The following ARAP2 variants were observed in gnomAD, a reference collection of about 807,000 sequenced individuals.
The protein encoded by ARAP2 is arf-GAP with Rho-GAP domain, ANK repeat and PH domain-containing protein 2.
In ARAP2, 148 loss-of-function variants were observed where a neutral mutation model predicts 194.5. The observed-to-expected ratio is 0.76, with a 90% CI of 0.67 to 0.87. The LOEUF is 0.87. ARAP2 is among the 40% of genes least tolerant of loss of function. The pLI is 0.00. For missense variants in ARAP2, 2,128 were observed against 1,989.7 expected (o/e 1.07, Z -1.32); for synonymous variants, 695 against 683.5 (o/e 1.02, Z -0.26).
intron 9 of ARAP2, 75 bp downstream of exon 9, chr4:36,177,752 T>C: frequency 7.8e-6 from 11 of 1,403,542 alleles, no homozygotes; most frequent in Non-Finnish European, 1.0e-5. Context: ...AAATCACTAA[T>C]AATCCTTCCA....
At chr4:36,097,101 T>C (rs1337765935) in intron 27 of ARAP2, among the ~76,000 whole-genome samples, 1 of 152,124 alleles carries the variant, frequency 6.6e-6, no homozygotes, top group African/African-American at 2.4e-5. Flanking sequence ...AAACAACTCA[T>C]AGTCATAAAA....
intron 31 of ARAP2, among the ~76,000 whole-genome samples, chr4:36,079,062 T>C (rs953006948): frequency 8.0e-5 from 12 of 149,500 alleles, no homozygotes; most frequent in African/African-American, 3.0e-4. Context: ...TAATCCCAGA[T>C]ACTCAGGAGG....
intron 30 of ARAP2, among the ~76,000 whole-genome samples, chr4:36,081,548 T>C (rs1031531319): frequency 1.3e-5 from 2 of 152,124 alleles, no homozygotes; most frequent in Admixed American, 6.6e-5. Flanking sequence ...CTGTGCTTGA[T>C]CCTATAGGTG....
intron 2 of ARAP2, among the ~76,000 whole-genome samples, chr4:36,057,486 T>C (rs774347762): frequency 5.9e-5 from 9 of 152,058 alleles, no homozygotes; most frequent in Non-Finnish European, 1.3e-4. Context: ...AGATAACACA[T>C]TATATATATG....
intron 2 of ARAP2, among the ~76,000 whole-genome samples, chr4:36,215,006 AC>A (rs1191981629): frequency 1.3e-5 from 2 of 152,246 alleles, no homozygotes; most frequent in Non-Finnish European, 2.9e-5. Flanking sequence ...GGAAGATATT[AC>A]AGGGCAATTA....
intron 10 of ARAP2, among the ~76,000 whole-genome samples, chr4:36,165,986 C>T (rs1735200793): frequency 6.6e-6 from 1 of 152,146 alleles, no homozygotes; most frequent in African/African-American, 2.4e-5. Context: ...GATTCCATCA[C>T]TCTCAGTGGT....
chr4:36,014,318 GAAAGAGAGAAAGAA>G (rs1381421253), intron 8 of ARAP2, among the ~76,000 whole-genome samples: 2 of 119,330 alleles, frequency 1.7e-5, no homozygotes, highest in Middle Eastern at 3.9e-3. Flanking sequence ...AGGAAAGAAA[GAAAGAGAGAAAGAA>G]AGAAAGAAAG....
chr4:36,159,790 T>G (rs1367868667), intron 13 of ARAP2: 1 of 218,040 alleles, frequency 4.6e-6, no homozygotes, highest in Non-Finnish European at 8.9e-6. Flanking sequence ...GACATTTTTA[T>G]GCTTACATAC....
intron 21 of ARAP2, among the ~76,000 whole-genome samples, chr4:36,127,893 G>C (rs1724353580): frequency 1.3e-5 from 2 of 151,890 alleles, no homozygotes; most frequent in Admixed American, 6.6e-5. Context: ...TTAAGTCTTT[G>C]TTATTGTAAT....
rs576332667 is a variant in ARAP2, at chr4:36,091,093, AT to A, written c.4425+787del. ...CAAATCATACATATTAGCTCCGTGA[AT>A]TTTAATAAAGTGAACATACTGGTGT... On this transcript the variant is annotated intron_variant, in intron 28 of 32. Transcript: ENST00000303965. 9.2e-5 allele frequency among the ~76,000 whole-genome samples: 14 copies of A among 152,286 alleles called. No individual in the cohort carries two copies. The East Asian group carries it at 2.7e-3, about 29-fold the overall frequency.
intron 22 of ARAP2, 94 bp downstream of exon 22, chr4:36,124,768 T>TA: frequency 1.4e-6 from 1 of 734,028 alleles, no homozygotes; most frequent in Non-Finnish European, 2.2e-6. Flanking sequence ...GGTGAGTTCT[T>TA]ATGATACGTA....
chr4:36,179,168 C>T (rs1443671716), intron 8 of ARAP2, among the ~76,000 whole-genome samples: 1 of 152,054 alleles, frequency 6.6e-6, no homozygotes, highest in Non-Finnish European at 1.5e-5. Context: ...TATAATAATA[C>T]AGACAATGAC....
chr4:36,079,033 G>A (rs1399945127), intron 31 of ARAP2, among the ~76,000 whole-genome samples: 1 of 151,822 alleles, frequency 6.6e-6, no homozygotes, highest in Non-Finnish European at 1.5e-5. Flanking sequence ...AATTAGCTGG[G>A]CACGGTGGTG....
At position 36,229,630 on chromosome 4, in the gene ARAP2, C is replaced by T; in HGVS notation, c.-144G>A. On this transcript the variant is annotated 5_prime_UTR_variant, in exon 2 of 33. Coordinates refer to ENST00000303965, the MANE Select transcript of ARAP2 (RefSeq NM_015230.4). ...AATGTTATTTTCTTCACAGTGACTGCTTTACCTGCTTAAGCCTAGAAAAAA... is the reference window on the plus strand; with the variant it reads ...AATGTTATTTTCTTCACAGTGACTGTTTTACCTGCTTAAGCCTAGAAAAAA... The T allele has an allele frequency of 1.7e-6, 1 of 576,478 alleles. No homozygotes were observed. Among genetic ancestry groups the T allele is most frequent in the Non-Finnish European group, 2.9e-6 (1 of 340,450 alleles). 35.7% of individuals were successfully genotyped at this position (576,478 alleles called of 1,614,324 possible). A position where few individuals can be genotyped will look rare whatever the true frequency, so the allele number is the denominator to read the frequency against.
At chr4:36,054,562 G>A (rs1436921051) in intron 2 of ARAP2, among the ~76,000 whole-genome samples, 1 of 152,110 alleles carries the variant, frequency 6.6e-6, no homozygotes, top group Admixed American at 6.5e-5. Flanking sequence ...TTATAATTCA[G>A]GGAGACAAGA....
At chr4:36,092,045 T>C (rs747389748) in intron 27 of ARAP2, 25 bp from the exon 28 acceptor site, 2 of 1,477,082 alleles carry the variant, frequency 1.4e-6, no homozygotes, top group Non-Finnish European at 9.1e-7. Context: ...ATTACTTTTG[T>C]GAGTTGGGTA....
At chr4:36,114,149 C>T in intron 26 of ARAP2, 21 bp downstream of exon 26, 2 of 1,455,566 alleles carry the variant, frequency 1.4e-6, no homozygotes, top group South Asian at 1.2e-5. Context: ...TTTAAGAATC[C>T]CTAGCATAAA....
At chr4:36,146,266 C>T (rs1427367513) in intron 19 of ARAP2, among the ~76,000 whole-genome samples, 1 of 151,992 alleles carries the variant, frequency 6.6e-6, no homozygotes, top group Non-Finnish European at 1.5e-5. Flanking sequence ...TAAACACCCA[C>T]TTTCACTTTT....
At chr4:36,046,124 A>T (rs1721793056) in intron 4 of ARAP2, 1 of 152,180 alleles carries the variant, frequency 6.6e-6, no homozygotes, top group Non-Finnish European at 1.5e-5. Flanking sequence ...AACTAGGCAT[A>T]TATTGCAAAA....
Sources: gnomAD v4.1 joint callset for allele counts (sites outside exome capture counted in the v4.1 genomes callset) on GRCh38, gnomAD v4.1.1 for gene constraint, MANE v1.5 for transcripts, NCBI Gene and HGNC (gene_info 2026-07-23, HGNC 2026-07-21) for gene names.